KIF27: variants seen among roughly 807,000 people sequenced by gnomAD.
KIF27 encodes kinesin family member 27.
Under a neutral mutation model 141.8 loss-of-function variants are expected in KIF27, and 84 were observed. The observed-to-expected ratio is 0.59, with a 90% CI of 0.50 to 0.71. The LOEUF is 0.71. Among genes scored for constraint, KIF27 ranks in the 30% least tolerant of loss-of-function variants. KIF27 has a pLI of 0.00. For synonymous variants in KIF27, 471 were observed against 569.5 expected (o/e 0.83, Z 2.46); for missense variants, 1,306 against 1,628.4 (o/e 0.80, Z 3.41).
chr9:83,907,179 A>G (rs1453428228), intron 3 of KIF27, among the ~76,000 whole-genome samples: 2 of 151,644 alleles, frequency 1.3e-5, no homozygotes, highest in East Asian at 1.9e-4. Context: ...AGTCCCAGCT[A>G]CTCGGGAGGC....
At chr9:83,908,322 G>A in intron 3 of KIF27, 130 bp downstream of exon 3, 1 of 422,910 alleles carries the variant, frequency 2.4e-6, no homozygotes, top group Non-Finnish European at 4.3e-6. Context: ...CAATTTAAAA[G>A]TAAAAATAAA....
At chr9:83,842,003 C>T (rs1396506307) in intron 17 of KIF27, among the ~76,000 whole-genome samples, 2 of 152,168 alleles carry the variant, frequency 1.3e-5, no homozygotes, top group Non-Finnish European at 2.9e-5. Flanking sequence ...GGTCTACAAG[C>T]CCCTGGCACA....
chr9:83,903,426 T>C lies in KIF27; in HGVS notation c.1092A>G (p.Lys364=). Residue 364 remains lysine (K), a synonymous_variant, in exon 4 of 18, where the codon AAA becomes AAG. Transcript: ENST00000297814. ...GGCTTTGCAAAGCTTCTCGAAGCAA[T>C]TTAATCTCAAATTCCATTTCATCTA... ...DRIDEMEFEI[K]LLREALQSQQ... is the part of the protein sequence containing the mutation. The C allele has an allele frequency of 1.2e-6, 2 of 1,614,078 alleles. No individual in the cohort carries two copies. The highest frequency in any genetic ancestry group is 1.7e-6 in the Non-Finnish European group (2 of 1,180,008).
chr9:83,838,144 T>A (rs889687183), intron 17 of KIF27, among the ~76,000 whole-genome samples: 10 of 152,174 alleles, frequency 6.6e-5, no homozygotes, highest in African/African-American at 2.4e-4. Flanking sequence ...GGGAAATGCA[T>A]ACAAGTACTA....
intron 15 of KIF27, among the ~76,000 whole-genome samples, chr9:83,851,464 A>ACCTCAG (rs1264497092): frequency 6.6e-6 from 1 of 151,858 alleles, no homozygotes; most frequent in Non-Finnish European, 1.5e-5. Context: ...TGATCCTCCC[A>ACCTCAG]CCTCAGCCTC....
chr9:83,906,495 CTTTGGGAGGCCAAAGCAG>C (rs1056885635), intron 3 of KIF27, among the ~76,000 whole-genome samples: 31 of 152,224 alleles, frequency 2.0e-4, no homozygotes, highest in African/African-American at 7.5e-4. Context: ...AATTCTAGCA[CTTTGGGAGGCCAAAGCAG>C]GCAGATCTCT....
chr9:83,899,539 G>T, intron 5 of KIF27, 122 bp downstream of exon 5: 2 of 728,928 alleles, frequency 2.7e-6, no homozygotes, highest in Non-Finnish European at 4.4e-6. Flanking sequence ...AGGTGCCTAT[G>T]TTCAGAACTC....
chr9:83,849,905 C>T (rs1948341204), intron 16 of KIF27, among the ~76,000 whole-genome samples, 194 bp downstream of exon 16: 1 of 152,172 alleles, frequency 6.6e-6, no homozygotes, highest in Admixed American at 6.5e-5. Flanking sequence ...GGATGGCATT[C>T]CAAGCACGAA....
At chr9:83,850,058 C>T (rs1279019872) in intron 16 of KIF27, 41 bp downstream of exon 16, 1 of 1,530,026 alleles carries the variant, frequency 6.5e-7, no homozygotes, top group Non-Finnish European at 9.1e-7. Context: ...GTACCCACAC[C>T]TACACATCAA....
intron 5 of KIF27, among the ~76,000 whole-genome samples, chr9:83,897,970 G>A (rs1175692702): frequency 1.3e-5 from 2 of 152,156 alleles, no homozygotes. Flanking sequence ...ATGGAACAGT[G>A]AGAATGCTCA....
chr9:83,857,441 T>C (rs1269789501), intron 14 of KIF27, among the ~76,000 whole-genome samples: 2 of 152,094 alleles, frequency 1.3e-5, no homozygotes, highest in African/African-American at 4.8e-5. Context: ...GAAAGGTGCA[T>C]AGAAGCTCAT....
rs369739329 is a variant in KIF27 at position 83,865,589 on chromosome 9, G to A, written c.2934+2095C>T. Reference sequence around the variant, plus strand: ...TGGGATTACAGGTGTGAGCCACCGCGCCCTGCCTATCCTCCAACCCTTTTA... The same window carrying A: ...TGGGATTACAGGTGTGAGCCACCGCACCCTGCCTATCCTCCAACCCTTTTA... On this transcript the variant is annotated intron_variant, in intron 13 of 17. Coordinates refer to ENST00000297814, the MANE Select transcript of KIF27 (RefSeq NM_017576.4). 7.2e-5 allele frequency among the ~76,000 whole-genome samples: 11 copies of A among 152,082 alleles called. No individual in the cohort carries two copies. In the East Asian group the frequency reaches 1.2e-3, roughly 16 times the overall value.
chr9:83,865,028 G>T (rs969352458), intron 13 of KIF27, among the ~76,000 whole-genome samples: 1 of 151,976 alleles, frequency 6.6e-6, no homozygotes. Context: ...CATTTGCTTG[G>T]TATATCTTCC....
chr9:83,861,656 T>C (rs1396631477), intron 13 of KIF27, among the ~76,000 whole-genome samples: 1 of 151,960 alleles, frequency 6.6e-6, no homozygotes, highest in Admixed American at 6.6e-5. Flanking sequence ...CATGTGTCTT[T>C]ATAGCAGCAT....
In KIF27 at chr9:83,834,586, C is replaced by T. The variant is rs1467265138; in HGVS notation, c.*2415G>A. ...GAAATGTGTATTTCCACAGGTAAAA[C>T]AAGTATGTGTTAATTTCTTGAGCAA... On this transcript the variant is annotated 3_prime_UTR_variant, in exon 18 of 18. Transcript: ENST00000297814. 1.3e-5 allele frequency among the ~76,000 whole-genome samples: 2 copies of T among 151,852 alleles called. No individual in the cohort carries two copies. Among genetic ancestry groups the T allele is most frequent in the Non-Finnish European group, 2.9e-5 (2 of 67,908 alleles).
At chr9:83,870,825 CA>C (rs1398879027) in intron 11 of KIF27, among the ~76,000 whole-genome samples, 193 bp from the exon 12 acceptor site, 1 of 150,654 alleles carries the variant, frequency 6.6e-6, no homozygotes, top group Non-Finnish European at 1.5e-5. Flanking sequence ...ATTTTCTTAA[CA>C]TTTACTTCCT....
Position 83,876,868 on chromosome 9 carries a change from G to T in KIF27, c.2643+3429C>A, listed in dbSNP as rs143010215. On this transcript the variant is annotated intron_variant, in intron 11 of 17. Coordinates refer to ENST00000297814, the MANE Select transcript of KIF27 (RefSeq NM_017576.4). ...AGACCAGAGGATCACTTGAAGCCAG[G>T]AGTTCAAAACCAGCCTGGGAAATAT... Among the ~76,000 whole-genome samples the T allele has an allele frequency of 5.9e-5, 9 of 152,298 alleles. No homozygotes were observed. The South Asian group carries it at 1.9e-3, about 32-fold the overall frequency.
At chr9:83,910,559 A>G (rs1194941415) in intron 2 of KIF27, among the ~76,000 whole-genome samples, 1 of 152,230 alleles carries the variant, frequency 6.6e-6, no homozygotes, top group Non-Finnish European at 1.5e-5. Flanking sequence ...GAAAGGGACA[A>G]CAAGAAAAGA....
intron 13 of KIF27, among the ~76,000 whole-genome samples, chr9:83,861,992 T>C (rs538324677): frequency 2.6e-3 from 389 of 152,386 alleles, no homozygotes; most frequent in African/African-American, 9.1e-3. Flanking sequence ...GAGAAGCGTC[T>C]GTTCATATCC....
Sources: gnomAD v4.1 joint callset for allele counts (sites outside exome capture counted in the v4.1 genomes callset) on GRCh38, gnomAD v4.1.1 for gene constraint, MANE v1.5 for transcripts, NCBI Gene and HGNC (gene_info 2026-07-23, HGNC 2026-07-21) for gene names.